Variants in LARGE1 observed in about 807,000 individuals in gnomAD.
LARGE1 encodes xylosyl- and glucuronyltransferase LARGE1.
Under a neutral mutation model 87.6 loss-of-function variants are expected in LARGE1, and 43 were observed. That is an observed-to-expected ratio of 0.49 (90% confidence interval 0.38 to 0.63). LARGE1 has a LOEUF of 0.63. Ranked by LOEUF, LARGE1 falls within the 30% of genes least tolerant of loss-of-function variation. The probability of loss-of-function intolerance (pLI) is 0.00; values close to 1 mark genes in which losing one functional copy is unlikely to be tolerated. For synonymous variants in LARGE1, 434 were observed against 394.6 expected, an observed-to-expected ratio of 1.10 and a Z score of -1.18; for missense variants, 802 against 1,000.2, an observed-to-expected ratio of 0.80 and a Z score of 2.67.
chr22:33,617,130 C>T (rs2079604105), intron 4 of LARGE1, among the ~76,000 whole-genome samples: 1 of 152,186 alleles, frequency 6.6e-6, no homozygotes, highest in South Asian at 2.1e-4. Flanking sequence ...CGCAATTGTC[C>T]AGGCTGGCCT....
At chr22:33,377,947 T>C (rs1178477393) in intron 9 of LARGE1, among the ~76,000 whole-genome samples, 2 of 152,220 alleles carry the variant, frequency 1.3e-5, no homozygotes, top group Non-Finnish European at 2.9e-5. Context: ...TCCTTCATCC[T>C]ACTTTCAATA....
chr22:33,232,259 C>T (rs531639454), intron 11 of LARGE1, among the ~76,000 whole-genome samples: 3 of 152,338 alleles, frequency 2.0e-5, no homozygotes, highest in South Asian at 4.1e-4. Context: ...TTTGTCAAAA[C>T]GCCCATGGCG....
At chr22:33,734,315 G>A (rs1192804213) in intron 2 of LARGE1, among the ~76,000 whole-genome samples, 3 of 152,192 alleles carry the variant, frequency 2.0e-5, no homozygotes, top group Non-Finnish European at 4.4e-5. Flanking sequence ...CCATATCATA[G>A]TGATGTGTTG....
chr22:33,757,654 T>C (rs2084568503), intron 2 of LARGE1, among the ~76,000 whole-genome samples: 1 of 152,118 alleles, frequency 6.6e-6, no homozygotes, highest in Non-Finnish European at 1.5e-5. Context: ...TCCATTGATA[T>C]TAAACAGAGT....
the LARGE1 span, among the ~76,000 whole-genome samples, chr22:33,134,621 G>T: frequency 3.3e-5 from 5 of 152,128 alleles, no homozygotes; most frequent in African/African-American, 7.2e-5. Context: ...CTTAATAACG[G>T]CAGTCATTGA....
At chr22:33,574,101 T>C (rs1569282468) in intron 5 of LARGE1, among the ~76,000 whole-genome samples, 1 of 152,114 alleles carries the variant, frequency 6.6e-6, no homozygotes, top group Non-Finnish European at 1.5e-5. Context: ...GAATGAATGC[T>C]AGGAGGTGGG....
At chr22:33,494,393 C>T (rs2070000892) in intron 6 of LARGE1, among the ~76,000 whole-genome samples, 1 of 152,206 alleles carries the variant, frequency 6.6e-6, no homozygotes. Context: ...AATAAAGTGA[C>T]TGAGCTGCTT....
At chr22:33,590,242 A>C (rs1226734846) in intron 5 of LARGE1, among the ~76,000 whole-genome samples, 2 of 152,206 alleles carry the variant, frequency 1.3e-5, no homozygotes, top group Non-Finnish European at 2.9e-5. Context: ...TACCTAATTA[A>C]ATATATTTTA....
the LARGE1 span, among the ~76,000 whole-genome samples, chr22:33,138,963 T>C: frequency 6.6e-6 from 1 of 152,180 alleles, no homozygotes; most frequent in Admixed American, 6.5e-5. Flanking sequence ...AGGCAGGTCT[T>C]TCCCATGCTG....
chr22:33,769,894 C>T (rs1044913283), intron 1 of LARGE1, among the ~76,000 whole-genome samples: 1 of 152,224 alleles, frequency 6.6e-6, no homozygotes, highest in Non-Finnish European at 1.5e-5. Context: ...GGCTCACTAT[C>T]GTCCTCCCTG....
Position 33,674,967 on chromosome 22 carries a change from C to T in LARGE1, c.107-24299G>A, listed in dbSNP as rs533036674. Among the ~76,000 whole-genome samples the T allele has an allele frequency of 3.3e-5, 5 of 150,914 alleles. No homozygotes were observed. The South Asian group carries it at 1.0e-3, about 32-fold the overall frequency. On this transcript the variant is annotated intron_variant, in intron 2 of 14. Transcript: ENST00000397394. ...TGCAACATCCAGCATATAGTAGGGG[C>T]TCAGAAAAAAAAAAAGTTTGTTTGC...
At chr22:33,359,955 C>G (rs2064324085) in intron 9 of LARGE1, among the ~76,000 whole-genome samples, 1 of 149,352 alleles carries the variant, frequency 6.7e-6, no homozygotes, top group Non-Finnish European at 1.5e-5. Flanking sequence ...ACATCTGAGC[C>G]CATATATGGG....
intron 7 of LARGE1, among the ~76,000 whole-genome samples, chr22:33,396,389 C>CT (rs1296694932): frequency 1.3e-5 from 2 of 150,686 alleles, no homozygotes; most frequent in Non-Finnish European, 2.9e-5. Context: ...TGTAATCCAG[C>CT]TTTTGCTTTT....
chr22:33,816,693 C>T (rs5754693), intron 1 of LARGE1, among the ~76,000 whole-genome samples: 55,891 of 106,082 alleles, frequency 0.53, 11,305 homozygotes, highest in Middle Eastern at 0.64. Flanking sequence ...GATAGATAGA[C>T]AGACAGACAG....
chr22:33,303,927 G>C (rs563288731), intron 12 of LARGE1, among the ~76,000 whole-genome samples: 1 of 152,188 alleles, frequency 6.6e-6, no homozygotes, highest in African/African-American at 2.4e-5. Context: ...GCCTGCCTGA[G>C]GAGGGTATGT....
Position 33,464,929 on chromosome 22 carries a change from AC to A in LARGE1, c.788-32665del, listed in dbSNP as rs2068542771. Among the ~76,000 whole-genome samples the A allele has an allele frequency of 4.0e-5, 6 of 151,834 alleles. No homozygotes were observed. In the South Asian group the frequency reaches 1.3e-3, roughly 32 times the overall value. ...CACATACACATGCACACATACATGC[AC>A]GTACACATACACACACACATACACA... On this transcript the variant is annotated intron_variant, in intron 6 of 14. Coordinates refer to ENST00000397394, the MANE Select transcript of LARGE1 (RefSeq NM_133642.5).
At chr22:33,410,303 G>T (rs2066262501) in intron 7 of LARGE1, among the ~76,000 whole-genome samples, 1 of 152,058 alleles carries the variant, frequency 6.6e-6, no homozygotes, top group Non-Finnish European at 1.5e-5. Flanking sequence ...AAAATCCCCA[G>T]AGCTAAGTAA....
At chr22:33,648,392 T>C (rs2080686141) in intron 3 of LARGE1, among the ~76,000 whole-genome samples, 1 of 152,204 alleles carries the variant, frequency 6.6e-6, no homozygotes. Context: ...CCTCCTCGAT[T>C]CTTATTTGTT....
At chr22:33,770,280 G>C (rs2085026225) in intron 1 of LARGE1, among the ~76,000 whole-genome samples, 1 of 152,200 alleles carries the variant, frequency 6.6e-6, no homozygotes, top group African/African-American at 2.4e-5. Context: ...ATAATGTCAT[G>C]TTTATATTTC....
Sources: allele counts gnomAD v4.1 joint callset (sites outside exome capture counted in the v4.1 genomes callset), GRCh38; gene constraint gnomAD v4.1.1; transcripts MANE v1.5; gene names NCBI Gene and HGNC (gene_info 2026-07-23, HGNC 2026-07-21).